Variants in CACNB3 observed in about 807,000 individuals in gnomAD.
CACNB3 encodes voltage-dependent L-type calcium channel subunit beta-3.
In CACNB3, 36 loss-of-function variants were observed where a neutral mutation model predicts 63.7. The observed-to-expected ratio is 0.57, with a 90% confidence interval of 0.43 to 0.75. CACNB3 has a LOEUF of 0.75. Ranked by LOEUF, CACNB3 falls within the 30% of genes least tolerant of loss-of-function variation. The pLI is 0.00. For missense variants in CACNB3, 493 were observed against 648.6 expected (o/e 0.76, Z 2.61); for synonymous variants, 241 against 250.6 (o/e 0.96, Z 0.36).
chr12:48,816,609 G>A (rs548392271), upstream of CACNB3, among the ~76,000 whole-genome samples: 16 of 152,324 alleles, frequency 1.1e-4, no homozygotes, highest in African/African-American at 3.9e-4. Context: ...AGGACCCAGG[G>A]GATGGGCCCA....
chr12:48,826,169 CCAACTCCT>C lies in CACNB3; in HGVS notation c.743-196_743-189del. The C allele has an allele frequency of 1.7e-6, 1 of 603,488 alleles. No individual in the cohort carries two copies. Among genetic ancestry groups the C allele is most frequent in the Non-Finnish European group, 2.9e-6 (1 of 340,836 alleles). The allele number at this position is 603,488 out of a possible 1,614,324, so 37.4% of individuals were successfully genotyped here. A position where few individuals can be genotyped will look rare whatever the true frequency, so the allele number is the denominator to read the frequency against. On this transcript the variant is annotated intron_variant, in intron 9 of 12. Coordinates refer to ENST00000301050, the MANE Select transcript of CACNB3 (RefSeq NM_000725.4). This position sits in a 1 kb window ranked among gnomAD's most constrained non-coding sequence, Gnocchi z 4.8. The stretch of plus-strand genomic sequence containing the variant: ...CTTCCTTACCTCCTTGTCTTTCTGC[CCAACTCCT>C]CTACCTGCCCCCAGGATTGGCAAGA...
Position 48,818,821 on chromosome 12 carries a change from G to C in CACNB3, c.-109G>C, listed in dbSNP as rs1937674457. On this transcript the variant is annotated 5_prime_UTR_variant, in exon 1 of 13. Transcript: ENST00000301050. The surrounding 1 kb of genome is among the most constrained non-coding windows in gnomAD (Gnocchi z 4.3). Reference sequence around the variant, plus strand: ...CTCTCGCTCCCTGCCGCCGCCCGCAGGGCTGCGGGGCTCGGTGGCATCTCC... The same window carrying C: ...CTCTCGCTCCCTGCCGCCGCCCGCACGGCTGCGGGGCTCGGTGGCATCTCC... The C allele has an allele frequency of 7.2e-7, 1 of 1,389,500 alleles. No individual in the cohort carries two copies. Among genetic ancestry groups the C allele is most frequent in the South Asian group, 1.7e-5 (1 of 59,516 alleles). 86.1% of individuals were successfully genotyped at this position (1,389,500 alleles called of 1,614,324 possible). A position where few individuals can be genotyped will look rare whatever the true frequency, so the allele number is the denominator to read the frequency against.
Position 48,818,634 on chromosome 12 carries a change from G to A in CACNB3, c.-296G>A. On this transcript the variant is annotated 5_prime_UTR_variant, in exon 1 of 13. Coordinates refer to ENST00000301050, the MANE Select transcript of CACNB3 (RefSeq NM_000725.4). This position sits in a 1 kb window ranked among gnomAD's most constrained non-coding sequence, Gnocchi z 4.3. ...CCTCGCCGCCCCCGCCTTCTCCCGG[G>A]GAGGGGGTCAGGTGGGCGGGCACTA... 8 of 1,133,466 alleles carry A rather than the reference G, an allele frequency of 7.1e-6. No individual in the cohort carries two copies. Among genetic ancestry groups the A allele is most frequent in the Non-Finnish European group, 8.6e-6 (8 of 925,748 alleles). 70.2% of individuals were successfully genotyped at this position (1,133,466 alleles called of 1,614,324 possible). A position where few individuals can be genotyped will look rare whatever the true frequency, so the allele number is the denominator to read the frequency against.
At chr12:48,820,060 G>A (rs1937774485) in intron 1 of CACNB3, 1 of 184,610 alleles carries the variant, frequency 5.4e-6, no homozygotes, top group South Asian at 1.1e-4. Flanking sequence ...ATCACTTACT[G>A]CCAGGCCCAG....
At chr12:48,824,015 G>C in intron 3 of CACNB3, 1 of 688,904 alleles carries the variant, frequency 1.5e-6, no homozygotes, top group Non-Finnish European at 2.4e-6. Context: ...CTCCATGTCT[G>C]TCAAGTGAGC....
In CACNB3 at chr12:48,827,976, A is replaced by G; in HGVS notation, c.*77A>G. ...CCCACTCCAGGCAGGGTGGCGTTAG[A>G]CTGGCATCAGGCTGGCACTAGGCTC... On this transcript the variant is annotated 3_prime_UTR_variant, in exon 13 of 13. Coordinates refer to ENST00000301050, the MANE Select transcript of CACNB3 (RefSeq NM_000725.4). The G allele has an allele frequency of 7.9e-7, 1 of 1,272,908 alleles. No homozygotes were observed. The highest frequency in any genetic ancestry group is 1.1e-6 in the Non-Finnish European group (1 of 902,700). 78.9% of individuals were successfully genotyped at this position (1,272,908 alleles called of 1,614,324 possible).
At chr12:48,817,021 C>A, upstream of CACNB3, 2 of 985,034 alleles carry the variant, frequency 2.0e-6, no homozygotes, top group African/African-American at 3.5e-5. Context: ...TGGGCAGTGT[C>A]TGGGAACTTC....
At position 48,828,668 on chromosome 12, in the gene CACNB3, G is replaced by C. The variant is rs1039482070; in HGVS notation, c.*769G>C. 2.2e-6 allele frequency: 1 copy of C among 456,384 alleles called. No homozygotes were observed. The highest frequency in any genetic ancestry group is 2.3e-5 in the Admixed American group (1 of 42,576). 28.3% of individuals were successfully genotyped at this position (456,384 alleles called of 1,614,324 possible). On this transcript the variant is annotated 3_prime_UTR_variant, in exon 13 of 13. Coordinates refer to ENST00000301050, the MANE Select transcript of CACNB3 (RefSeq NM_000725.4). ...GAGGGCATGTGTAGCAGAGAACTTAGGGGGGCCTCCTTGCCTTTCTCATTC... is the reference window on the plus strand; with the variant it reads ...GAGGGCATGTGTAGCAGAGAACTTACGGGGGCCTCCTTGCCTTTCTCATTC...
chr12:48,818,361 C>A, upstream of CACNB3: 1 of 741,126 alleles, frequency 1.3e-6, no homozygotes, highest in Non-Finnish European at 1.6e-6. The surrounding 1 kb of genome is among the most constrained non-coding windows in gnomAD (Gnocchi z 4.3). Context: ...GCGGTCTCAG[C>A]GCCCCCTCCC....
intron 1 of CACNB3, among the ~76,000 whole-genome samples, chr12:48,822,721 C>T (rs760605867): frequency 6.6e-6 from 1 of 152,186 alleles, no homozygotes; most frequent in Non-Finnish European, 1.5e-5. Context: ...GAGGTAACTT[C>T]TAGGAGCTGG....
chr12:48,828,197 C>T lies in CACNB3; in HGVS notation c.*298C>T, dbSNP rs999889636. ...GGAAGCTGCCCCACTGGGCAGTGCC[C>T]TCAGGCCAGGATCCCCTTAGCAGGG... is the stretch of plus-strand genomic sequence containing the variant. On this transcript the variant is annotated 3_prime_UTR_variant, in exon 13 of 13. Transcript: ENST00000301050. 2.1e-6 allele frequency: 1 copy of T among 473,976 alleles called. No homozygotes were observed. The highest frequency in any genetic ancestry group is 3.9e-6 in the Non-Finnish European group (1 of 257,932). The allele number at this position is 473,976 out of a possible 1,614,324, so 29.4% of individuals were successfully genotyped here.
Position 48,826,518 on chromosome 12 carries a change from G to A in CACNB3, c.894G>A (p.Lys298=), listed in dbSNP as rs143867391. 1.9e-6 allele frequency: 3 copies of A among 1,613,890 alleles called. No homozygotes were observed. The highest frequency in any genetic ancestry group is 2.7e-5 in the African/African-American group (2 of 75,040). Residue 298 remains lysine, a splice_region_variant and synonymous_variant, in exon 10 of 13, where the codon AAG becomes AAA. Transcript: ENST00000301050. This position sits in a 1 kb window ranked among gnomAD's most constrained non-coding sequence, Gnocchi z 4.8. ...TCTTTGTCAAAGTGTCCTCACCAAA[G>A]GTAAGTCAGCTGGGCTCATGGAGGA... ...IIVFVKVSSP[K]VLQRLIRSRG... is the part of the protein sequence containing the mutation.
At position 48,825,621 on chromosome 12, in the gene CACNB3, G is replaced by A. The variant is rs1314483392; in HGVS notation, c.633-39G>A. The stretch of plus-strand genomic sequence containing the variant: ...CTGAGTAAGGAGAGGCTGAGGCACA[G>A]GTTTAGAAGCAAGCTGTGATTCTCC... On this transcript the variant is annotated intron_variant, in intron 8 of 12. Coordinates refer to ENST00000301050, the MANE Select transcript of CACNB3 (RefSeq NM_000725.4). The surrounding 1 kb of genome is among the most constrained non-coding windows in gnomAD (Gnocchi z 4.5). 1 of 1,588,440 alleles carries A rather than the reference G, an allele frequency of 6.3e-7. No homozygotes were observed. Among genetic ancestry groups the A allele is most frequent in the African/African-American group, 1.3e-5 (1 of 74,372 alleles).
Position 48,826,949 on chromosome 12 carries a change from G to T in CACNB3, c.991-25G>T. On this transcript the variant is annotated intron_variant, in intron 11 of 12. Transcript: ENST00000301050. The surrounding 1 kb of genome is among the most constrained non-coding windows in gnomAD (Gnocchi z 4.8). ...GGGCTGCTACTGAGGGGAAACCAAC[G>T]TTGCGCCTTCCTCCCCCTCCCCAGG... 1 of 1,613,654 alleles carries T rather than the reference G, an allele frequency of 6.2e-7. No homozygotes were observed. The highest frequency in any genetic ancestry group is 8.5e-7 in the Non-Finnish European group (1 of 1,179,770).
In CACNB3 at chr12:48,825,672, C is replaced by T; in HGVS notation, c.645C>T (p.Thr215=). 4.3e-6 allele frequency: 7 copies of T among 1,614,058 alleles called. No individual in the cohort carries two copies. The highest frequency in any genetic ancestry group is 5.9e-6 in the Non-Finnish European group (7 of 1,179,920). The change falls in exon 9 of 13, where the codon ACC becomes ACT. Residue 215 remains threonine, a synonymous_variant. Transcript: ENST00000301050. This position sits in a 1 kb window ranked among gnomAD's most constrained non-coding sequence, Gnocchi z 4.5. ...KHRFDGRISI[T]RVTADLSLAK... is the part of the protein sequence containing the mutation. ...ACTCCCACCCCAGGATCTCCATCACCCGAGTCACAGCCGACCTCTCCCTGG... is the reference window on the plus strand; with the variant it reads ...ACTCCCACCCCAGGATCTCCATCACTCGAGTCACAGCCGACCTCTCCCTGG...
At chr12:48,815,752 T>TG, upstream of CACNB3, 1 of 598,426 alleles carries the variant, frequency 1.7e-6, no homozygotes, top group African/African-American at 2.2e-5. Flanking sequence ...GGGTGTGGGG[T>TG]CGTGGGAAGG....
upstream of CACNB3, chr12:48,814,616 ATAAG>A: frequency 1.4e-6 from 2 of 1,453,368 alleles, no homozygotes; most frequent in Non-Finnish European, 1.8e-6. This position sits in a 1 kb window ranked among gnomAD's most constrained non-coding sequence, Gnocchi z 6.9. Flanking sequence ...CGGGGTGGGA[ATAAG>A]TAGAGCGCAG....
At position 48,818,705 on chromosome 12, in the gene CACNB3, G is replaced by C. The variant is rs1451475911; in HGVS notation, c.-225G>C. ...AGATTCCTCAGCCGCGCTCGGGGTG[G>C]GACCGGCTGGGTTTGGGGGGGTGGG... On this transcript the variant is annotated 5_prime_UTR_variant, in exon 1 of 13. Coordinates refer to ENST00000301050, the MANE Select transcript of CACNB3 (RefSeq NM_000725.4). This position sits in a 1 kb window ranked among gnomAD's most constrained non-coding sequence, Gnocchi z 4.3. 8.0e-6 allele frequency: 10 copies of C among 1,257,148 alleles called. No homozygotes were observed. Among genetic ancestry groups the C allele is most frequent in the African/African-American group, 1.6e-5 (1 of 62,730 alleles). The allele number at this position is 1,257,148 out of a possible 1,614,324, so 77.9% of individuals were successfully genotyped here.
In CACNB3 at chr12:48,826,614, C is replaced by T; in HGVS notation, c.894+96C>T. The T allele has an allele frequency of 3.3e-6, 5 of 1,511,212 alleles. No homozygotes were observed. Among genetic ancestry groups the T allele is most frequent in the Non-Finnish European group, 2.7e-6 (3 of 1,091,152 alleles). 93.6% of individuals were successfully genotyped at this position (1,511,212 alleles called of 1,614,324 possible). A position where few individuals can be genotyped will look rare whatever the true frequency, so the allele number is the denominator to read the frequency against. On this transcript the variant is annotated intron_variant, in intron 10 of 12. Coordinates refer to ENST00000301050, the MANE Select transcript of CACNB3 (RefSeq NM_000725.4). This position sits in a 1 kb window ranked among gnomAD's most constrained non-coding sequence, Gnocchi z 4.8. The stretch of plus-strand genomic sequence containing the variant: ...TCCCTGCCTGGGGCACCTGAGTTCC[C>T]TTTTCCTGCTGCCCTTAACACAACT...
Sources: gnomAD v4.1 joint callset for allele counts (sites outside exome capture counted in the v4.1 genomes callset) on GRCh38, gnomAD v4.1.1 for gene constraint, Gnocchi (gnomAD v3.1) non-coding constraint, MANE v1.5 for transcripts, NCBI Gene and HGNC (gene_info 2026-07-23, HGNC 2026-07-21) for gene names.